RSRC1: variants seen among roughly 807,000 people sequenced by gnomAD.
The protein encoded by RSRC1 is serine/Arginine-related protein 53.
A neutral mutation model predicts 49.1 loss-of-function variants in RSRC1; 39 were observed. The observed-to-expected ratio is 0.79, with a 90% CI of 0.61 to 1.04. RSRC1 has a LOEUF of 1.04. Ranked by LOEUF, RSRC1 falls within the 50% of genes least tolerant of loss-of-function variation. RSRC1 has a pLI of 0.00. For missense variants in RSRC1, 388 were observed against 402.4 expected, an observed-to-expected ratio of 0.96 and a Z score of 0.31; for synonymous variants, 143 against 130.8, an observed-to-expected ratio of 1.09 and a Z score of -0.63.
In RSRC1 at chr3:158,522,722, A is replaced by G. The variant is rs535393513; in HGVS notation, c.653-14370A>G. Among the ~76,000 whole-genome samples the G allele has an allele frequency of 1.4e-3, 206 of 152,196 alleles. 3 individuals carry two copies. In the South Asian group the frequency reaches 0.023, roughly 17 times the overall value. ...CATCCATTTGATTTGAGATCTCTCC[A>G]TGCTTCATTTTTTTTCCCTGGACAG... is the stretch of plus-strand genomic sequence containing the variant. On this transcript the variant is annotated intron_variant, in intron 7 of 9. Transcript: ENST00000611884.
rs201854960 is a variant in RSRC1 at position 158,229,215 on chromosome 3, C to T, written c.494+25970C>T. ...ATACATATATGTGTATATATGTATA[C>T]ACACATACACGTATATGTGTATGTA... On this transcript the variant is annotated intron_variant, in intron 4 of 9. Transcript: ENST00000611884. Among the ~76,000 whole-genome samples, 12 of 80,628 alleles carry T rather than the reference C, an allele frequency of 1.5e-4. 1 individual carries two copies. Among genetic ancestry groups the T allele is most frequent in the African/African-American group, 4.8e-4 (11 of 22,918 alleles). 52.9% of individuals were successfully genotyped at this position (80,628 alleles called of 152,430 possible). A position where few individuals can be genotyped will look rare whatever the true frequency, so the allele number is the denominator to read the frequency against.
At chr3:158,429,721 A>G (rs1047566611) in intron 6 of RSRC1, among the ~76,000 whole-genome samples, 10 of 151,278 alleles carry the variant, frequency 6.6e-5, no homozygotes, top group African/African-American at 1.2e-4. Context: ...AATTGTGCCA[A>G]TCTGCCAATA....
intron 3 of RSRC1, among the ~76,000 whole-genome samples, chr3:158,199,213 A>G (rs966094285): frequency 4.6e-5 from 7 of 152,136 alleles, no homozygotes; most frequent in Non-Finnish European, 1.0e-4. Context: ...TTCCACCATG[A>G]TTGTGAGGCC....
chr3:158,451,750 T>C (rs1000991607), intron 6 of RSRC1, among the ~76,000 whole-genome samples: 2 of 152,070 alleles, frequency 1.3e-5, no homozygotes, highest in African/African-American at 2.4e-5. Flanking sequence ...TATTGAAGCA[T>C]GGTAATATAA....
chr3:158,423,005 A>T (rs1735170345), intron 6 of RSRC1, among the ~76,000 whole-genome samples: 2 of 151,686 alleles, frequency 1.3e-5, no homozygotes, highest in African/African-American at 2.4e-5. Context: ...GGTTGCAAAA[A>T]TTTTCTCCCA....
At chr3:158,352,499 G>A (rs1448449317) in intron 5 of RSRC1, among the ~76,000 whole-genome samples, 1 of 151,644 alleles carries the variant, frequency 6.6e-6, no homozygotes, top group East Asian at 1.9e-4. Context: ...CTTTCCTTAT[G>A]AAATACAAAA....
chr3:158,395,961 TAAG>T (rs1733588420), intron 6 of RSRC1, among the ~76,000 whole-genome samples: 1 of 152,030 alleles, frequency 6.6e-6, no homozygotes, highest in South Asian at 2.1e-4. Flanking sequence ...TAGACTGAGT[TAAG>T]AAGATGTGGT....
intron 6 of RSRC1, among the ~76,000 whole-genome samples, chr3:158,355,890 T>G (rs1731130956): frequency 6.6e-6 from 1 of 151,854 alleles, no homozygotes; most frequent in Non-Finnish European, 1.5e-5. Flanking sequence ...ATATCTAATT[T>G]ATATCTGTAT....
At chr3:158,256,270 AG>A (rs1356979353) in intron 4 of RSRC1, among the ~76,000 whole-genome samples, 2 of 152,132 alleles carry the variant, frequency 1.3e-5, no homozygotes, top group African/African-American at 4.8e-5. Flanking sequence ...TTTAGCATGA[AG>A]GGCTGTTGAA....
chr3:158,414,349 AT>A (rs1734629162), intron 6 of RSRC1, among the ~76,000 whole-genome samples: 1 of 152,110 alleles, frequency 6.6e-6, no homozygotes, highest in African/African-American at 2.4e-5. Context: ...GAGCTGAACA[AT>A]GAGAACACAC....
At chr3:158,129,568 A>G (rs560258101) in intron 3 of RSRC1, among the ~76,000 whole-genome samples, 12 of 152,088 alleles carry the variant, frequency 7.9e-5, no homozygotes, top group African/African-American at 2.6e-4. Context: ...TGGGATTACA[A>G]GCATAAGCCA....
At chr3:158,353,110 T>C (rs1017401576) in intron 5 of RSRC1, among the ~76,000 whole-genome samples, 6 of 152,212 alleles carry the variant, frequency 3.9e-5, no homozygotes, top group Non-Finnish European at 8.8e-5. Context: ...TTTTACCAAT[T>C]AAATATTTCT....
intron 6 of RSRC1, among the ~76,000 whole-genome samples, chr3:158,394,738 A>G (rs1016798777): frequency 3.3e-5 from 5 of 152,178 alleles, no homozygotes; most frequent in Non-Finnish European, 7.4e-5. Context: ...AGGAGGAATC[A>G]ATATAATTCA....
At chr3:158,301,251 C>G in intron 5 of RSRC1, among the ~76,000 whole-genome samples, 1 of 151,962 alleles carries the variant, frequency 6.6e-6, no homozygotes, top group Non-Finnish European at 1.5e-5. Flanking sequence ...TTTTAAAGTT[C>G]TAGACTCAGA....
At chr3:158,353,007 G>A (rs149954020) in intron 5 of RSRC1, among the ~76,000 whole-genome samples, 16 of 152,178 alleles carry the variant, frequency 1.1e-4, no homozygotes, top group East Asian at 1.9e-4. Flanking sequence ...TTTATAAAGC[G>A]TGCTTACATA....
intron 6 of RSRC1, among the ~76,000 whole-genome samples, chr3:158,429,263 C>G (rs985133199): frequency 6.6e-6 from 1 of 151,522 alleles, no homozygotes; most frequent in African/African-American, 2.4e-5. Context: ...AGGGCATTTA[C>G]ACTATGAAAT....
chr3:158,112,424 A>G (rs1012900815), intron 1 of RSRC1, among the ~76,000 whole-genome samples: 2 of 152,202 alleles, frequency 1.3e-5, no homozygotes, highest in African/African-American at 4.8e-5. Flanking sequence ...AGTACCTGTC[A>G]TTTATAGAGA....
intron 7 of RSRC1, among the ~76,000 whole-genome samples, chr3:158,514,397 T>G (rs190245412): frequency 0.012 from 1,807 of 152,198 alleles, 43 homozygotes; most frequent in African/African-American, 0.041. Flanking sequence ...TCAGGAGCAG[T>G]TTGTTCAGTT....
At chr3:158,400,457 C>T (rs2108307316) in intron 6 of RSRC1, among the ~76,000 whole-genome samples, 1 of 152,122 alleles carries the variant, frequency 6.6e-6, no homozygotes, top group East Asian at 1.9e-4. Flanking sequence ...CAGGCAGGTT[C>T]TTCAGGAGGT....
Sources: gnomAD v4.1 joint callset for allele counts (sites outside exome capture counted in the v4.1 genomes callset) on GRCh38, gnomAD v4.1.1 for gene constraint, MANE v1.5 for transcripts, NCBI Gene and HGNC (gene_info 2026-07-23, HGNC 2026-07-21) for gene names.